Variants in FREM2 observed in about 807,000 individuals in gnomAD.
FREM2 encodes the protein FRAS1-related extracellular matrix protein 2.
Under a neutral mutation model 219.9 loss-of-function variants are expected in FREM2, and 119 were observed. The observed-to-expected ratio is 0.54, with a 90% CI of 0.47 to 0.63. The LOEUF (loss-of-function observed/expected upper bound fraction) is 0.63, where lower values mean the gene tolerates loss of function less well. Among genes scored for constraint, FREM2 ranks in the 30% least tolerant of loss-of-function variants. The pLI is 0.00. For missense variants in FREM2, 4,030 were observed against 3,993.6 expected, an observed-to-expected ratio of 1.01 and a Z score of -0.25; for synonymous variants, 1,562 against 1,522.8, an observed-to-expected ratio of 1.03 and a Z score of -0.60.
intron 11 of FREM2, 23 bp downstream of exon 11, chr13:38,851,891 C>T (rs758476779): frequency 1.9e-6 from 3 of 1,599,950 alleles, no homozygotes; most frequent in Non-Finnish European, 2.6e-6. Flanking sequence ...CAGGGCCTGT[C>T]TCCTGATGGA....
chr13:38,807,153 T>A (rs1441003830), intron 6 of FREM2, among the ~76,000 whole-genome samples: 2 of 135,006 alleles, frequency 1.5e-5, no homozygotes, highest in East Asian at 5.2e-4. Flanking sequence ...CTGCTCATGT[T>A]GATATTTTGA....
At chr13:38,787,684 T>G (rs1874383542) in intron 6 of FREM2, among the ~76,000 whole-genome samples, 1 of 151,384 alleles carries the variant, frequency 6.6e-6, no homozygotes, top group Non-Finnish European at 1.5e-5. Flanking sequence ...AGTTATTTCC[T>G]AATTAACTTA....
chr13:38,730,048 G>T (rs1391313791), intron 2 of FREM2, among the ~76,000 whole-genome samples: 1 of 152,118 alleles, frequency 6.6e-6, no homozygotes, highest in African/African-American at 2.4e-5. Flanking sequence ...AGTGCCTAAC[G>T]GGAGTGAACC....
intron 2 of FREM2, among the ~76,000 whole-genome samples, chr13:38,756,039 G>T (rs937167579): frequency 2.6e-5 from 4 of 152,236 alleles, no homozygotes; most frequent in Middle Eastern, 6.8e-3. Flanking sequence ...ATGCAGTGAG[G>T]GTTCCTTTCA....
At chr13:38,715,486 C>T (rs1272851846) in intron 2 of FREM2, among the ~76,000 whole-genome samples, 1 of 152,182 alleles carries the variant, frequency 6.6e-6, no homozygotes, top group Admixed American at 6.5e-5. Flanking sequence ...GCTCTCCACA[C>T]ACCAAGACTT....
Position 38,882,164 on chromosome 13 carries a change from T to A in FREM2, c.*1377T>A, listed in dbSNP as rs1260588722. 1 of 152,188 alleles carries A rather than the reference T, an allele frequency of 6.6e-6. No homozygotes were observed. The highest frequency in any genetic ancestry group is 1.5e-5 in the Non-Finnish European group (1 of 68,030). 9.4% of individuals were successfully genotyped at this position (152,188 alleles called of 1,614,324 possible). Reference sequence around the variant, plus strand: ...CATTGCCTTTCTGCATCAATGTGTTTGTTACCAAATAGCAGAAATTTCGCT... The same window carrying A: ...CATTGCCTTTCTGCATCAATGTGTTAGTTACCAAATAGCAGAAATTTCGCT... On this transcript the variant is annotated 3_prime_UTR_variant, in exon 24 of 24. Coordinates refer to ENST00000280481, the MANE Select transcript of FREM2 (RefSeq NM_207361.6).
At chr13:38,694,093 G>A (rs1013271882) in intron 1 of FREM2, among the ~76,000 whole-genome samples, 2 of 152,128 alleles carry the variant, frequency 1.3e-5, no homozygotes, top group Non-Finnish European at 2.9e-5. Context: ...GATGAAGACA[G>A]GCAAATGATT....
chr13:38,826,027 C>G (rs1482377167), intron 6 of FREM2, among the ~76,000 whole-genome samples: 1 of 152,114 alleles, frequency 6.6e-6, no homozygotes, highest in African/African-American at 2.4e-5. Context: ...CTTGGTTACT[C>G]TTTAAACACA....
At chr13:38,744,474 G>C (rs1178519760) in intron 2 of FREM2, among the ~76,000 whole-genome samples, 1 of 151,516 alleles carries the variant, frequency 6.6e-6, no homozygotes, top group African/African-American at 2.4e-5. Context: ...AACTTTAAAG[G>C]CTCCAATTAT....
chr13:38,703,699 A>G (rs1730342684), intron 2 of FREM2, among the ~76,000 whole-genome samples: 1 of 152,190 alleles, frequency 6.6e-6, no homozygotes, highest in Non-Finnish European at 1.5e-5. Flanking sequence ...GTAAAACTCA[A>G]TTTTATTTAT....
At chr13:38,818,257 C>T (rs540822198) in intron 6 of FREM2, among the ~76,000 whole-genome samples, 3 of 151,992 alleles carry the variant, frequency 2.0e-5, no homozygotes, top group African/African-American at 4.8e-5. Context: ...GCACTATTTA[C>T]AATAGCTAAG....
chr13:38,876,281 C>G lies in FREM2; in HGVS notation c.8443C>G (p.Leu2815Val). 1 of 1,614,056 alleles carries G rather than the reference C, an allele frequency of 6.2e-7. No homozygotes were observed. The highest frequency in any genetic ancestry group is 1.1e-5 in the South Asian group (1 of 91,070). Reference protein sequence around the residue: ...RDYSGTYTVKLVPCTAPSHQE... With the variant: ...RDYSGTYTVKVVPCTAPSHQE... ...CTACTCAGGGACCTATACTGTGAAG[C>G]TGGTGCCATGCACTGCCCCATCACA... Residue 2815 changes from leucine (L) to valine (V), a missense_variant, in exon 20 of 24, where the codon CTG becomes GTG. Leu to Val is a conservative substitution (Grantham distance 32, BLOSUM62 1). Coordinates refer to ENST00000280481, the MANE Select transcript of FREM2 (RefSeq NM_207361.6).
At chr13:38,744,054 G>A (rs1253347800) in intron 2 of FREM2, among the ~76,000 whole-genome samples, 1 of 151,808 alleles carries the variant, frequency 6.6e-6, no homozygotes, top group Non-Finnish European at 1.5e-5. Flanking sequence ...AATGGAGAGA[G>A]GTGGAAAAAA....
chr13:38,724,969 C>A (rs187153230), intron 2 of FREM2, among the ~76,000 whole-genome samples: 149 of 152,082 alleles, frequency 9.8e-4, no homozygotes, highest in Middle Eastern at 6.8e-3. Flanking sequence ...AGGGATGTTG[C>A]TAGGGAAAAA....
intron 16 of FREM2, among the ~76,000 whole-genome samples, chr13:38,865,245 C>A (rs1293255149): frequency 6.6e-6 from 1 of 152,092 alleles, no homozygotes; most frequent in Non-Finnish European, 1.5e-5. Context: ...TACACATTCA[C>A]ACATAAAATA....
chr13:38,876,393 T>C lies in FREM2; in HGVS notation c.8544+11T>C. ...ATCCGATTCCAACAGGTGTGGCTTA[T>C]AGAATTACTATCTTATGACTTGCAG... is the stretch of plus-strand genomic sequence containing the variant. On this transcript the variant is annotated intron_variant, in intron 20 of 23. Coordinates refer to ENST00000280481, the MANE Select transcript of FREM2 (RefSeq NM_207361.6). The C allele has an allele frequency of 6.2e-7, 1 of 1,611,322 alleles. No individual in the cohort carries two copies.
Position 38,689,845 on chromosome 13 carries a change from A to T in FREM2, c.2501A>T (p.Asn834Ile), listed in dbSNP as rs756942300. ...GACAACCAGCCACCTGAGATCCTCA[A>T]CACCGGCTTCACTATTCAGGAGAAG... ...PVDNQPPEIL[N>I]TGFTIQEKGH... The change falls in exon 1 of 24, where the codon AAC becomes ATC. Residue 834 changes from asparagine to isoleucine, a missense_variant. Around this residue, in one of 2 missense-constraint regions of FREM2, gnomAD observed 3,102 missense variants for 2,950.7 expected, o/e 1.05. Transcript: ENST00000280481. 2 of 1,614,176 alleles carry T rather than the reference A, an allele frequency of 1.2e-6. No individual in the cohort carries two copies. The highest frequency in any genetic ancestry group is 1.7e-6 in the Non-Finnish European group (2 of 1,180,026).
intron 11 of FREM2, among the ~76,000 whole-genome samples, chr13:38,854,360 A>G (rs2137914884): frequency 6.6e-6 from 1 of 152,276 alleles, no homozygotes; most frequent in African/African-American, 2.4e-5. Flanking sequence ...TGTCTAAGAT[A>G]AGCAATGAAA....
In FREM2 at chr13:38,850,083, G is replaced by A; in HGVS notation, c.6425G>A (p.Ser2142Asn). The A allele has an allele frequency of 6.2e-7, 1 of 1,614,058 alleles. No homozygotes were observed. The highest frequency in any genetic ancestry group is 8.5e-7 in the Non-Finnish European group (1 of 1,179,934). The change falls in exon 9 of 24, where the codon AGT becomes AAT. Residue 2142 changes from serine to asparagine, a missense_variant. Coordinates refer to ENST00000280481, the MANE Select transcript of FREM2 (RefSeq NM_207361.6). ...FKERIYTGSE[S>N]DGQIVTMIHR... ...GAACGAATATATACTGGCAGCGAAAGTGATGGGCAGATAGTTACAATGATC... is the reference window on the plus strand; with the variant it reads ...GAACGAATATATACTGGCAGCGAAAATGATGGGCAGATAGTTACAATGATC...
Sources: allele counts gnomAD v4.1 joint callset (sites outside exome capture counted in the v4.1 genomes callset), GRCh38; gene constraint gnomAD v4.1.1; regional missense constraint gnomAD v4.1.1; transcripts MANE v1.5; gene names NCBI Gene and HGNC (gene_info 2026-07-23, HGNC 2026-07-21).